SLC8A3: variants seen among roughly 807,000 people sequenced by gnomAD.
The protein encoded by SLC8A3 is solute carrier family 8 member A3, also known as sodium/calcium exchanger 3.
A neutral mutation model predicts 65.4 loss-of-function variants in SLC8A3; 37 were observed. The observed-to-expected ratio is 0.57, with a 90% CI of 0.44 to 0.74. The LOEUF (loss-of-function observed/expected upper bound fraction) is 0.74. SLC8A3 is among the 30% of genes least tolerant of loss of function. SLC8A3 has a pLI of 0.00. For missense variants in SLC8A3, 1,112 were observed against 1,172.1 expected, an observed-to-expected ratio of 0.95 and a Z score of 0.75; for synonymous variants, 461 against 444.5, an observed-to-expected ratio of 1.04 and a Z score of -0.47.
chr14:70,076,195 T>G lies in SLC8A3; in HGVS notation c.1785-15256A>C, dbSNP rs979928545. ...CTGCCTGGAGCTTTCCTTCTCCAGA[T>G]AGTCTCATGACCAGGTTCTTTTTAA... is the stretch of plus-strand genomic sequence containing the variant. On this transcript the variant is annotated intron_variant, in intron 2 of 6. Coordinates refer to ENST00000356921, the MANE Select transcript of SLC8A3 (RefSeq NM_182932.3). 3.9e-5 allele frequency among the ~76,000 whole-genome samples: 6 copies of G among 152,254 alleles called. 1 individual carries two copies. The highest frequency in any genetic ancestry group is 2.0e-4 in the Admixed American group (3 of 15,292).
intron 3 of SLC8A3, among the ~76,000 whole-genome samples, chr14:70,056,698 G>A (rs762050341): frequency 1.3e-5 from 2 of 152,136 alleles, no homozygotes; most frequent in African/African-American, 4.8e-5. Flanking sequence ...GAAAGGACAG[G>A]CTAAGTCAGA....
At chr14:70,048,490 T>C in intron 6 of SLC8A3, 1 of 607,752 alleles carries the variant, frequency 1.6e-6, no homozygotes. Flanking sequence ...TAACTTACCC[T>C]ATTTAATAGG....
At chr14:70,098,597 G>A (rs1358961264) in intron 2 of SLC8A3, among the ~76,000 whole-genome samples, 3 of 152,196 alleles carry the variant, frequency 2.0e-5, no homozygotes, top group Non-Finnish European at 2.9e-5. Flanking sequence ...AGCGCTTTCT[G>A]GAAGGGGTCC....
intron 2 of SLC8A3, among the ~76,000 whole-genome samples, chr14:70,124,567 C>T (rs61977446): frequency 0.11 from 16,109 of 152,292 alleles, 1,150 homozygotes; most frequent in Non-Finnish European, 0.16. Flanking sequence ...AGGTTAATCT[C>T]ATCTATAGTC....
chr14:70,112,399 A>G (rs1206830706), intron 2 of SLC8A3, among the ~76,000 whole-genome samples: 1 of 152,192 alleles, frequency 6.6e-6, no homozygotes, highest in Non-Finnish European at 1.5e-5. Context: ...GGGACGTACT[A>G]GGCAGTCAGT....
At chr14:70,115,898 T>A (rs376366273) in intron 2 of SLC8A3, among the ~76,000 whole-genome samples, 1 of 152,258 alleles carries the variant, frequency 6.6e-6, no homozygotes, top group East Asian at 1.9e-4. Context: ...AAATCTTCCT[T>A]CTCATGTGAG....
chr14:70,058,548 C>T (rs118041311), intron 3 of SLC8A3, among the ~76,000 whole-genome samples: 7 of 152,286 alleles, frequency 4.6e-5, no homozygotes, highest in African/African-American at 1.7e-4. Flanking sequence ...GTCTTCTCAC[C>T]TACTCCCTCC....
At chr14:70,150,391 T>C (rs191575752) in intron 2 of SLC8A3, among the ~76,000 whole-genome samples, 4 of 152,344 alleles carry the variant, frequency 2.6e-5, no homozygotes, top group African/African-American at 7.2e-5. Context: ...CATGCTGCTC[T>C]ATTACCCCCT....
intron 3 of SLC8A3, among the ~76,000 whole-genome samples, chr14:70,057,724 A>G (rs907334293): frequency 2.6e-5 from 4 of 152,138 alleles, no homozygotes; most frequent in African/African-American, 9.7e-5. Flanking sequence ...TTTCCCCTGT[A>G]TTGATCCCCT....
intron 2 of SLC8A3, among the ~76,000 whole-genome samples, chr14:70,072,590 TATCCGTCC>T (rs1284328219): frequency 4.6e-5 from 5 of 108,550 alleles, no homozygotes; most frequent in African/African-American, 7.5e-5. Flanking sequence ...AATGTCTATC[TATCCGTCC>T]ATCCATCCAT....
At chr14:70,071,363 G>C (rs149595) in intron 2 of SLC8A3, among the ~76,000 whole-genome samples, 103,158 of 152,078 alleles carry the variant, frequency 0.68, 35,908 homozygotes, top group African/African-American at 0.84. Flanking sequence ...TCGCATGAAC[G>C]CTTAAAAGCA....
At chr14:70,180,515 G>T (rs79492047) in intron 1 of SLC8A3, among the ~76,000 whole-genome samples, 5 of 152,180 alleles carry the variant, frequency 3.3e-5, no homozygotes, top group African/African-American at 9.6e-5. Context: ...TCCCCTTGAG[G>T]TTGATTCCTC....
In SLC8A3 at chr14:70,074,885, A is replaced by T. The variant is rs1197980842; in HGVS notation, c.1785-13946T>A. On this transcript the variant is annotated intron_variant, in intron 2 of 6. Coordinates refer to ENST00000356921, the MANE Select transcript of SLC8A3 (RefSeq NM_182932.3). ...ACTTCATTTACCTTGCCCTAACCCT[A>T]ACCCTAGGGAGGCGACTCTAGTGGT... 2.0e-5 allele frequency among the ~76,000 whole-genome samples: 3 copies of T among 152,300 alleles called. No homozygotes were observed. In the South Asian group the frequency reaches 6.2e-4, roughly 32 times the overall value.
chr14:70,075,159 G>C (rs61593518), intron 2 of SLC8A3, among the ~76,000 whole-genome samples: 2 of 152,076 alleles, frequency 1.3e-5, no homozygotes, highest in South Asian at 2.1e-4. Flanking sequence ...GTGTGCGTGC[G>C]TGTGTGCGTG....
intron 2 of SLC8A3, among the ~76,000 whole-genome samples, chr14:70,151,322 G>A (rs1896263053): frequency 6.6e-6 from 1 of 151,988 alleles, no homozygotes; most frequent in African/African-American, 2.4e-5. Flanking sequence ...GATAGAAGAG[G>A]AGGCCATTAT....
intron 6 of SLC8A3, chr14:70,047,206 CT>C (rs1886890689): frequency 6.6e-6 from 1 of 152,178 alleles, no homozygotes; most frequent in Non-Finnish European, 1.5e-5. Flanking sequence ...ATTGCAAGGA[CT>C]TGGAGATGCC....
chr14:70,093,105 C>T (rs1891916127), intron 2 of SLC8A3, among the ~76,000 whole-genome samples: 1 of 152,188 alleles, frequency 6.6e-6, no homozygotes, highest in Non-Finnish European at 1.5e-5. Context: ...AGGCTTATAC[C>T]TTAGAGCTGT....
chr14:70,184,474 A>G (rs1003759867), intron 1 of SLC8A3, among the ~76,000 whole-genome samples: 3 of 152,120 alleles, frequency 2.0e-5, no homozygotes, highest in African/African-American at 7.2e-5. Context: ...AGGTCTTTAC[A>G]TATGAATCCC....
At chr14:70,104,791 A>C (rs1344516040) in intron 2 of SLC8A3, among the ~76,000 whole-genome samples, 4 of 152,204 alleles carry the variant, frequency 2.6e-5, no homozygotes. Flanking sequence ...TGTGAGATAC[A>C]GCTAAGGCAG....
Sources: allele counts gnomAD v4.1 joint callset (sites outside exome capture counted in the v4.1 genomes callset), GRCh38; gene constraint gnomAD v4.1.1; transcripts MANE v1.5; gene names NCBI Gene and HGNC (gene_info 2026-07-23, HGNC 2026-07-21).